The following GNG12 variants were observed in gnomAD, a reference collection of about 807,000 sequenced individuals.
The protein encoded by GNG12 is G protein subunit gamma 12.
For missense variants in GNG12, 69 were observed against 83.8 expected (o/e 0.82, Z 0.69); for synonymous variants, 28 against 29.7 (o/e 0.94, Z 0.19).
rs536405075 is a variant in GNG12, at chr1:67,703,349, T to C, written c.*2102A>G. 6.6e-6 allele frequency: 1 copy of C among 152,184 alleles called. No individual in the cohort carries two copies. The highest frequency in any genetic ancestry group is 1.5e-5 in the Non-Finnish European group (1 of 68,028). 9.4% of individuals were successfully genotyped at this position (152,184 alleles called of 1,614,324 possible). A position where few individuals can be genotyped will look rare whatever the true frequency, so the allele number is the denominator to read the frequency against. On this transcript the variant is annotated 3_prime_UTR_variant, in exon 4 of 4. Coordinates refer to ENST00000370982, the MANE Select transcript of GNG12 (RefSeq NM_018841.6). ...TGTTTCAGTACTAAATAATAAACTA[T>C]GCCTGCTACCAATAACATGCACATA...
In GNG12 at chr1:67,766,106, G is replaced by GCACACACACACACACACACACACA. The variant is rs59348663; in HGVS notation, c.-27+11328_-27+11351dup. On this transcript the variant is annotated intron_variant, in intron 2 of 3. Coordinates refer to ENST00000370982, the MANE Select transcript of GNG12 (RefSeq NM_018841.6). Reference sequence around the variant, plus strand: ...AACTCAAACAAAACAAGGCACACACGCACACACACACACACACACACACAC... The same window carrying GCACACACACACACACACACACACA: ...AACTCAAACAAAACAAGGCACACACGCACACACACACACACACACACACACACACACACACACACACACACACAC... Among the ~76,000 whole-genome samples, 96 of 139,926 alleles carry GCACACACACACACACACACACACA rather than the reference G, an allele frequency of 6.9e-4. 1 individual carries two copies. Among genetic ancestry groups the GCACACACACACACACACACACACA allele is most frequent in the African/African-American group, 2.6e-3 (94 of 36,844 alleles). 91.8% of individuals were successfully genotyped at this position (139,926 alleles called of 152,430 possible). A position where few individuals can be genotyped will look rare whatever the true frequency, so the allele number is the denominator to read the frequency against.
chr1:67,792,339 G>C (rs192889155), intron 1 of GNG12, among the ~76,000 whole-genome samples: 2 of 152,148 alleles, frequency 1.3e-5, no homozygotes, highest in African/African-American at 4.8e-5. Flanking sequence ...TTCTCAACTG[G>C]CCAGAAATAT....
intron 2 of GNG12, among the ~76,000 whole-genome samples, chr1:67,743,730 T>C (rs1646494755): frequency 6.6e-6 from 1 of 152,214 alleles, no homozygotes; most frequent in Non-Finnish European, 1.5e-5. Flanking sequence ...GCTGTAATGC[T>C]TAAGACACTT....
At chr1:67,813,861 TATCTA>T (rs1263376169) in intron 1 of GNG12, among the ~76,000 whole-genome samples, 9 of 152,142 alleles carry the variant, frequency 5.9e-5, no homozygotes, top group Admixed American at 6.5e-5. Flanking sequence ...ATTTATTGAG[TATCTA>T]ATCTATTCAG....
chr1:67,814,033 T>A (rs1557625748), intron 1 of GNG12, among the ~76,000 whole-genome samples: 1 of 152,318 alleles, frequency 6.6e-6, no homozygotes, highest in East Asian at 1.9e-4. Context: ...GTAGCAAGTG[T>A]CAGAGCTGGG....
chr1:67,824,043 T>C (rs1646997873), intron 1 of GNG12, among the ~76,000 whole-genome samples: 2 of 152,144 alleles, frequency 1.3e-5, no homozygotes, highest in Admixed American at 1.3e-4. Flanking sequence ...AAGAAGAGTA[T>C]ATACACCACC....
At chr1:67,808,173 C>T (rs530518738) in intron 1 of GNG12, among the ~76,000 whole-genome samples, 4 of 152,038 alleles carry the variant, frequency 2.6e-5, no homozygotes, top group African/African-American at 9.6e-5. Context: ...TTAATGGAAT[C>T]CATCCCATCA....
intron 2 of GNG12, among the ~76,000 whole-genome samples, chr1:67,746,988 A>C (rs1464696292): frequency 6.6e-6 from 1 of 152,126 alleles, no homozygotes; most frequent in Non-Finnish European, 1.5e-5. Flanking sequence ...CACTCTAAAT[A>C]AGTAGAAGAA....
chr1:67,729,690 C>T (rs1366471287), intron 2 of GNG12, among the ~76,000 whole-genome samples: 1 of 152,158 alleles, frequency 6.6e-6, no homozygotes, highest in African/African-American at 2.4e-5. Context: ...CAGGTATGAG[C>T]CAGCCTGCTC....
chr1:67,824,830 T>A (rs1197116560), intron 1 of GNG12, among the ~76,000 whole-genome samples: 1 of 152,084 alleles, frequency 6.6e-6, no homozygotes, highest in East Asian at 1.9e-4. Flanking sequence ...ATTCAGGAGG[T>A]AAGCACAGTG....
At position 67,796,179 on chromosome 1, in the gene GNG12, C is replaced by T. The variant is rs1357650071; in HGVS notation, c.-76-18672G>A. The stretch of plus-strand genomic sequence containing the variant: ...CATTTATTTGGCAGGCTAAACATAT[C>T]TATTTATTTGGATTCATTTATTTGT... On this transcript the variant is annotated intron_variant, in intron 1 of 3. Transcript: ENST00000370982. Among the ~76,000 whole-genome samples, 3 of 152,166 alleles carry T rather than the reference C, an allele frequency of 2.0e-5. No individual in the cohort carries two copies. In the East Asian group the frequency reaches 5.8e-4, roughly 29 times the overall value.
At chr1:67,808,846 T>C (rs958155360) in intron 1 of GNG12, among the ~76,000 whole-genome samples, 1 of 152,154 alleles carries the variant, frequency 6.6e-6, no homozygotes, top group Non-Finnish European at 1.5e-5. Flanking sequence ...AAACACAATA[T>C]TGTCAAGATG....
intron 2 of GNG12, among the ~76,000 whole-genome samples, chr1:67,757,018 G>A (rs1376913561): frequency 6.6e-6 from 1 of 152,110 alleles, no homozygotes; most frequent in Non-Finnish European, 1.5e-5. Flanking sequence ...CATTTAAGTT[G>A]AGTATCCCTT....
intron 1 of GNG12, among the ~76,000 whole-genome samples, chr1:67,833,016 CCAGCCA>C (rs1198516797): frequency 3.9e-5 from 6 of 152,082 alleles, no homozygotes; most frequent in Admixed American, 2.6e-4. Flanking sequence ...AGCCCTAGCC[CCAGCCA>C]CAGCCGTGGG....
intron 3 of GNG12, among the ~76,000 whole-genome samples, chr1:67,705,894 G>T (rs1646244578): frequency 6.6e-6 from 1 of 152,188 alleles, no homozygotes; most frequent in African/African-American, 2.4e-5. Flanking sequence ...ACATTGAACT[G>T]GAGTCCAATC....
intron 1 of GNG12, among the ~76,000 whole-genome samples, chr1:67,802,074 C>T (rs540940451): frequency 6.6e-6 from 1 of 151,994 alleles, no homozygotes; most frequent in African/African-American, 2.4e-5. Flanking sequence ...ATCTATAAGC[C>T]CTGCTTGTGG....
At chr1:67,719,548 T>C (rs1315169990) in intron 2 of GNG12, among the ~76,000 whole-genome samples, 9 of 152,226 alleles carry the variant, frequency 5.9e-5, no homozygotes, top group African/African-American at 9.6e-5. Context: ...TTTATTTCAA[T>C]GGTTAATTGT....
intron 1 of GNG12, among the ~76,000 whole-genome samples, chr1:67,821,885 C>A (rs941256749): frequency 2.0e-5 from 3 of 151,664 alleles, no homozygotes; most frequent in Non-Finnish European, 4.4e-5. Context: ...GTGTTATTAT[C>A]TCTGTTTTGC....
chr1:67,820,394 AAG>A lies in GNG12; in HGVS notation c.-77+12948_-77+12949del, dbSNP rs1491248821. On this transcript the variant is annotated intron_variant, in intron 1 of 3. Coordinates refer to ENST00000370982, the MANE Select transcript of GNG12 (RefSeq NM_018841.6). Reference sequence around the variant, plus strand: ...GAGACTCCATCTCAAAAAAAAAAAAAAGATCAACTTGGAGCTTATTAACAACT... The same window carrying A: ...GAGACTCCATCTCAAAAAAAAAAAAAATCAACTTGGAGCTTATTAACAACT... 1.3e-3 allele frequency among the ~76,000 whole-genome samples: 191 copies of A among 147,102 alleles called. 4 individuals carry two copies. The South Asian group carries it at 0.017, about 13-fold the overall frequency.
Sources: allele counts gnomAD v4.1 joint callset (sites outside exome capture counted in the v4.1 genomes callset), GRCh38; gene constraint gnomAD v4.1.1; transcripts MANE v1.5; gene names NCBI Gene and HGNC (gene_info 2026-07-23, HGNC 2026-07-21).